Variants in ITFG1 observed in about 807,000 individuals in gnomAD.
ITFG1 encodes integrin alpha FG-GAP repeat containing 1, also known as T-cell immunomodulatory protein.
In ITFG1, 34 loss-of-function variants were observed where a neutral mutation model predicts 81.8. That is an observed-to-expected ratio of 0.42 (90% CI 0.32 to 0.55). ITFG1 has a LOEUF of 0.55. Ranked by LOEUF, ITFG1 falls within the 20% of genes least tolerant of loss-of-function variation. The pLI, the probability that ITFG1 is intolerant of heterozygous loss-of-function variation, is 0.17. For missense variants in ITFG1, 672 were observed against 755.4 expected, an observed-to-expected ratio of 0.89 and a Z score of 1.29; for synonymous variants, 285 against 270.6, an observed-to-expected ratio of 1.05 and a Z score of -0.52.
chr16:47,430,944 G>T lies in ITFG1; in HGVS notation c.561-2046C>A, dbSNP rs182503916. On this transcript the variant is annotated intron_variant, in intron 5 of 17. Transcript: ENST00000320640. ...CACGAATTCCCATCAGTGGATAAAT[G>T]GATAAACAAAATGTCATATATCTAT... 2.1e-3 allele frequency among the ~76,000 whole-genome samples: 316 copies of T among 152,172 alleles called. 4 individuals are homozygous for T. Among genetic ancestry groups the T allele is most frequent in the African/African-American group, 7.2e-3 (300 of 41,514 alleles).
rs781335286 is a variant in ITFG1, at chr16:47,260,661, A to C, written c.1105T>G (p.Cys369Gly). The change falls in exon 11 of 18, where the codon TGT (cysteine) becomes GGT (glycine). Residue 369 changes from cysteine to glycine, a missense_variant. By Grantham distance (159) the Cys-to-Gly change is radical. Coordinates refer to ENST00000320640, the MANE Select transcript of ITFG1 (RefSeq NM_030790.5). ...QQAFLLENVP[C>G]NNASCEEARR... is the part of the protein sequence containing the mutation. ...GCCTCTTCACAGCTTGCATTATTAC[A>C]AGGGACGTTCTCCAGTAAAAAGGCC... The C allele has an allele frequency of 6.2e-7, 1 of 1,614,154 alleles. No homozygotes were observed. Among genetic ancestry groups the C allele is most frequent in the Non-Finnish European group, 8.5e-7 (1 of 1,180,022 alleles).
chr16:47,447,147 C>T (rs112377648), intron 5 of ITFG1, among the ~76,000 whole-genome samples: 1 of 152,144 alleles, frequency 6.6e-6, no homozygotes, highest in African/African-American at 2.4e-5. Context: ...GGATTACTGG[C>T]ATGAGTCACT....
chr16:47,256,778 T>C (rs1166516221), intron 12 of ITFG1, among the ~76,000 whole-genome samples: 1 of 152,238 alleles, frequency 6.6e-6, no homozygotes, highest in African/African-American at 2.4e-5. Flanking sequence ...TCTCTCAAAA[T>C]AAATCTCAAC....
At chr16:47,287,870 G>A (rs1966876243) in intron 10 of ITFG1, among the ~76,000 whole-genome samples, 1 of 152,164 alleles carries the variant, frequency 6.6e-6, no homozygotes, top group Non-Finnish European at 1.5e-5. Flanking sequence ...AAGGTGAAAA[G>A]TGAGCATTAA....
chr16:47,280,788 G>A (rs991761178), intron 10 of ITFG1, among the ~76,000 whole-genome samples: 1 of 152,118 alleles, frequency 6.6e-6, no homozygotes, highest in Non-Finnish European at 1.5e-5. Context: ...AGCAGCTTGA[G>A]TCCAACGACC....
chr16:47,413,728 C>T (rs1030155967), intron 6 of ITFG1, among the ~76,000 whole-genome samples: 1 of 152,020 alleles, frequency 6.6e-6, no homozygotes, highest in African/African-American at 2.4e-5. Flanking sequence ...CCCACAGATA[C>T]AATAAAGCAA....
intron 10 of ITFG1, among the ~76,000 whole-genome samples, chr16:47,307,008 G>A (rs1967173120): frequency 6.7e-6 from 1 of 148,324 alleles, no homozygotes; most frequent in South Asian, 2.1e-4. Flanking sequence ...GCAGGAGAAC[G>A]GCGTGAACCC....
At chr16:47,230,723 G>A (rs1030429040) in intron 13 of ITFG1, among the ~76,000 whole-genome samples, 1 of 152,172 alleles carries the variant, frequency 6.6e-6, no homozygotes, top group South Asian at 2.1e-4. Flanking sequence ...ATTATGTTTA[G>A]TGCTGCAGAG....
At chr16:47,292,442 G>A (rs1966919594) in intron 10 of ITFG1, among the ~76,000 whole-genome samples, 1 of 152,174 alleles carries the variant, frequency 6.6e-6, no homozygotes, top group Admixed American at 6.5e-5. Flanking sequence ...ATTTTATTGT[G>A]CCAGTTGGGA....
chr16:47,207,194 C>T (rs1368803541), intron 14 of ITFG1, among the ~76,000 whole-genome samples: 9 of 152,108 alleles, frequency 5.9e-5, no homozygotes, highest in African/African-American at 9.6e-5. Flanking sequence ...GCCATTCTCC[C>T]GCCTCAGCCT....
At position 47,285,363 on chromosome 16, in the gene ITFG1, A is replaced by C. The variant is rs192338208; in HGVS notation, c.1071-24668T>G. The stretch of plus-strand genomic sequence containing the variant: ...GCTCTGAGCCCCTGCCCCGTACCTC[A>C]CCCTATGCCTCTCTTCATCTATATC... On this transcript the variant is annotated intron_variant, in intron 10 of 17. Transcript: ENST00000320640. Among the ~76,000 whole-genome samples the C allele has an allele frequency of 2.1e-3, 319 of 152,218 alleles. 10 individuals are homozygous for C. The highest frequency in any genetic ancestry group is 0.017 in the Admixed American group (263 of 15,284).
chr16:47,341,300 G>A (rs563003242), intron 8 of ITFG1, among the ~76,000 whole-genome samples: 1 of 147,426 alleles, frequency 6.8e-6, no homozygotes, highest in East Asian at 2.0e-4. Flanking sequence ...AATTAGCCAG[G>A]TGTGGTGCGC....
chr16:47,334,250 A>G (rs1967673978), intron 8 of ITFG1, among the ~76,000 whole-genome samples: 1 of 152,048 alleles, frequency 6.6e-6, no homozygotes, highest in Non-Finnish European at 1.5e-5. Flanking sequence ...GGAGTTCAAG[A>G]CAAGCCTGGG....
At chr16:47,276,404 T>C (rs1194064571) in intron 10 of ITFG1, among the ~76,000 whole-genome samples, 2 of 152,170 alleles carry the variant, frequency 1.3e-5, no homozygotes, top group Non-Finnish European at 2.9e-5. Flanking sequence ...TGTGAATAAA[T>C]GTTATGGAAT....
chr16:47,336,135 G>C (rs563378288), intron 8 of ITFG1, among the ~76,000 whole-genome samples: 1 of 152,298 alleles, frequency 6.6e-6, no homozygotes, highest in East Asian at 1.9e-4. Context: ...TCTAGAATAG[G>C]CCAAAGTATA....
chr16:47,415,056 C>G (rs1968857347), intron 6 of ITFG1, among the ~76,000 whole-genome samples: 1 of 152,148 alleles, frequency 6.6e-6, no homozygotes, highest in Non-Finnish European at 1.5e-5. Flanking sequence ...TCAAATTCTT[C>G]AAATCAAGAA....
At position 47,154,505 on chromosome 16, in the gene ITFG1, GA is replaced by G. The variant is rs1201557155; in HGVS notation, c.*1213del. The G allele has an allele frequency of 6.6e-6, 1 of 152,066 alleles. No individual in the cohort carries two copies. The highest frequency in any genetic ancestry group is 1.5e-5 in the Non-Finnish European group (1 of 67,998). The allele number at this position is 152,066 out of a possible 1,614,324, so 9.4% of individuals were successfully genotyped here. On this transcript the variant is annotated 3_prime_UTR_variant, in exon 18 of 18. Coordinates refer to ENST00000320640, the MANE Select transcript of ITFG1 (RefSeq NM_030790.5). ...AAAAATAAGAACAAAATTGTTTTCA[GA>G]GAAATTTTTGTGTTTTATAGGCATC...
intron 12 of ITFG1, among the ~76,000 whole-genome samples, chr16:47,241,068 TA>T (rs59986645): frequency 0.13 from 17,194 of 134,952 alleles, 2,000 homozygotes; most frequent in African/African-American, 0.33. Context: ...GTTAAGATGG[TA>T]AAAAAAAAAA....
At chr16:47,383,704 G>C (rs934137547) in intron 6 of ITFG1, among the ~76,000 whole-genome samples, 1 of 152,160 alleles carries the variant, frequency 6.6e-6, no homozygotes, top group Non-Finnish European at 1.5e-5. Context: ...TCAGGAGTTC[G>C]AGACCAGCTG....
Sources: gnomAD v4.1 joint callset for allele counts (sites outside exome capture counted in the v4.1 genomes callset) on GRCh38, gnomAD v4.1.1 for gene constraint, MANE v1.5 for transcripts, NCBI Gene and HGNC (gene_info 2026-07-23, HGNC 2026-07-21) for gene names.